ALPK1: variants seen among roughly 807,000 people sequenced by gnomAD.
ALPK1 encodes the protein alpha-protein kinase 1.
ALPK1 carries 110 observed loss-of-function variants against 120.6 expected under a neutral mutation model. That is an observed-to-expected ratio of 0.91 (90% confidence interval 0.78 to 1.07). ALPK1 has a LOEUF of 1.07. Among genes scored for constraint, ALPK1 ranks in the 50% least tolerant of loss-of-function variants. The probability of loss-of-function intolerance (pLI) is 0.00; values close to 1 mark genes in which losing one functional copy is unlikely to be tolerated. For synonymous variants in ALPK1, 582 were observed against 560.3 expected (o/e 1.04, Z -0.55); for missense variants, 1,498 against 1,483.9 (o/e 1.01, Z -0.16).
chr4:112,408,473 C>CTT (rs754785103), intron 4 of ALPK1, among the ~76,000 whole-genome samples: 21,977 of 143,456 alleles, frequency 0.15, 1,924 homozygotes, highest in South Asian at 0.24. Flanking sequence ...CAATGACTGA[C>CTT]TTTTTTTTTT....
intron 2 of ALPK1, among the ~76,000 whole-genome samples, chr4:112,326,570 C>T (rs987440169): frequency 2.0e-5 from 3 of 152,120 alleles, no homozygotes; most frequent in Admixed American, 2.0e-4. Flanking sequence ...AACAGCTTTC[C>T]ATTTCCTTGT....
At chr4:112,298,318 C>T (rs1011695248) in intron 1 of ALPK1, among the ~76,000 whole-genome samples, 7 of 151,840 alleles carry the variant, frequency 4.6e-5, no homozygotes, top group Non-Finnish European at 8.8e-5. Context: ...CACTAATTCT[C>T]TTATAAGAAA....
chr4:112,423,848 C>A (rs1303050394), intron 5 of ALPK1, 96 bp from the exon 6 acceptor site: 2 of 1,162,814 alleles, frequency 1.7e-6, no homozygotes, highest in African/African-American at 1.5e-5. Flanking sequence ...GGTTACAGTT[C>A]CTGCTGCAAT....
intron 2 of ALPK1, among the ~76,000 whole-genome samples, chr4:112,326,646 G>A (rs779649124): frequency 8.3e-4 from 126 of 152,174 alleles, no homozygotes; most frequent in Non-Finnish European, 1.3e-3. Context: ...TCCCCTTTAT[G>A]CCAAAACTAG....
intron 2 of ALPK1, among the ~76,000 whole-genome samples, chr4:112,376,413 G>T (rs761416930): frequency 9.9e-5 from 15 of 152,094 alleles, no homozygotes; most frequent in Non-Finnish European, 1.6e-4. Context: ...GTGTGTGTGT[G>T]TTTAAACACA....
At chr4:112,324,480 TTTG>T (rs1729018176) in intron 2 of ALPK1, among the ~76,000 whole-genome samples, 5 of 152,130 alleles carry the variant, frequency 3.3e-5, no homozygotes, top group Middle Eastern at 3.4e-3. Context: ...TTTGTTTTGT[TTTG>T]TTTTTGTTTT....
chr4:112,431,460 T>C lies in ALPK1; in HGVS notation c.1913T>C (p.Met638Thr), dbSNP rs770713632. Reference protein sequence around the residue: ...ELENDREGRAMHSLHSQLHDL... With the variant: ...ELENDREGRATHSLHSQLHDL... The stretch of plus-strand genomic sequence containing the variant: ...GAGAATGACAGGGAAGGCAGAGCTA[T>C]GCATTCATTGCATTCACAGCTTCAT... The change falls in exon 11 of 16, where the codon ATG (methionine) becomes ACG (threonine). Residue 638 changes from methionine to threonine, a missense_variant. Transcript: ENST00000650871. 9 of 1,614,232 alleles carry C rather than the reference T, an allele frequency of 5.6e-6. No individual in the cohort carries two copies. The highest frequency in any genetic ancestry group is 6.8e-6 in the Non-Finnish European group (8 of 1,180,042).
At chr4:112,419,067 G>A (rs1733873039) in intron 5 of ALPK1, among the ~76,000 whole-genome samples, 2 of 152,180 alleles carry the variant, frequency 1.3e-5, no homozygotes, top group Non-Finnish European at 2.9e-5. Context: ...AGCAAGGTTG[G>A]TGAATACAAA....
chr4:112,354,655 A>T (rs542943888), intron 2 of ALPK1, among the ~76,000 whole-genome samples: 1 of 152,142 alleles, frequency 6.6e-6, no homozygotes, highest in South Asian at 2.1e-4. Flanking sequence ...TTTAGTAGAG[A>T]TGGGGTTTCA....
At position 112,307,478 on chromosome 4, in the gene ALPK1, G is replaced by T. The variant is rs367817821; in HGVS notation, c.-152-8323G>T. 1.7e-4 allele frequency among the ~76,000 whole-genome samples: 26 copies of T among 152,112 alleles called. No individual in the cohort carries two copies. In the South Asian group the frequency reaches 1.9e-3, roughly 11 times the overall value. ...TATTTAGGATAGTTAGCTCTTCTTG[G>T]TGAATTGATCCCTTTACCATTATGT... is the stretch of plus-strand genomic sequence containing the variant. On this transcript the variant is annotated intron_variant, in intron 1 of 15. Coordinates refer to ENST00000650871, the MANE Select transcript of ALPK1 (RefSeq NM_025144.4).
intron 3 of ALPK1, 119 bp downstream of exon 3, chr4:112,378,017 G>T: frequency 8.6e-7 from 1 of 1,168,586 alleles, no homozygotes; most frequent in South Asian, 2.4e-5. Context: ...TGACCACCGA[G>T]AGATGAGTGG....
At chr4:112,357,269 G>C (rs1023593766) in intron 2 of ALPK1, 20 of 1,310,820 alleles carry the variant, frequency 1.5e-5, no homozygotes, top group African/African-American at 2.9e-5. Flanking sequence ...AGGACGTGCT[G>C]GGGTGTTCGC....
At chr4:112,410,718 T>C (rs1274170530) in intron 4 of ALPK1, among the ~76,000 whole-genome samples, 1 of 152,228 alleles carries the variant, frequency 6.6e-6, no homozygotes, top group African/African-American at 2.4e-5. Flanking sequence ...TATAACACCC[T>C]AGCAGAGCAA....
chr4:112,341,856 A>T (rs1018202866), intron 2 of ALPK1, among the ~76,000 whole-genome samples: 1 of 152,252 alleles, frequency 6.6e-6, no homozygotes, highest in Non-Finnish European at 1.5e-5. Context: ...GTATTACAGC[A>T]TAATAAGTCA....
chr4:112,298,492 C>T (rs1727640928), intron 1 of ALPK1, among the ~76,000 whole-genome samples: 1 of 152,074 alleles, frequency 6.6e-6, no homozygotes. Context: ...AAACAAAATA[C>T]TTAAACTTAT....
At chr4:112,391,348 A>G (rs1253452143) in intron 4 of ALPK1, among the ~76,000 whole-genome samples, 1 of 152,258 alleles carries the variant, frequency 6.6e-6, no homozygotes, top group Non-Finnish European at 1.5e-5. Flanking sequence ...ACTGCAGGCC[A>G]TAAAAAGTAT....
At position 112,431,959 on chromosome 4, in the gene ALPK1, G is replaced by A. The variant is rs201734481; in HGVS notation, c.2412G>A (p.Arg804=). ...AAGATGCACCCTTAGACTTTCACAG[G>A]GTCCTGCACAATTCTCTGGGAAACA... ...STEDAPLDFH[R]VLHNSLGNIS... Residue 804 remains arginine, a synonymous_variant, in exon 11 of 16, where the codon AGG becomes AGA. Coordinates refer to ENST00000650871, the MANE Select transcript of ALPK1 (RefSeq NM_025144.4). The A allele has an allele frequency of 6.2e-7, 1 of 1,614,098 alleles. No homozygotes were observed. The highest frequency in any genetic ancestry group is 8.5e-7 in the Non-Finnish European group (1 of 1,180,034).
rs920390339 is a variant in ALPK1 at position 112,439,703 on chromosome 4, A to T, written c.3369A>T (p.Thr1123=). 5 of 1,606,134 alleles carry T rather than the reference A, an allele frequency of 3.1e-6. No individual in the cohort carries two copies. The African/African-American group carries it at 5.4e-5, about 17-fold the overall frequency. ...TTTTTCAGATTTTAGAGGACAAGACAATAAAGGGATGTATCAGTGTGGAGC... is the reference window on the plus strand; with the variant it reads ...TTTTTCAGATTTTAGAGGACAAGACTATAAAGGGATGTATCAGTGTGGAGC... The part of the protein sequence containing the change: ...STILLILEDK[T]IKGCISVEPY... The change falls in exon 14 of 16, where the codon ACA becomes ACT. Residue 1123 remains threonine (T), a synonymous_variant. Coordinates refer to ENST00000650871, the MANE Select transcript of ALPK1 (RefSeq NM_025144.4).
intron 14 of ALPK1, among the ~76,000 whole-genome samples, 156 bp from the exon 15 acceptor site, chr4:112,440,761 A>G (rs944887593): frequency 5.9e-5 from 9 of 151,960 alleles, no homozygotes; most frequent in African/African-American, 2.2e-4. Context: ...CTTACCAGGA[A>G]TTTACTAACT....
Sources: gnomAD v4.1 joint callset for allele counts (sites outside exome capture counted in the v4.1 genomes callset) on GRCh38, gnomAD v4.1.1 for gene constraint, MANE v1.5 for transcripts, NCBI Gene and HGNC (gene_info 2026-07-23, HGNC 2026-07-21) for gene names.